The following PPEF1 variants were observed in gnomAD, a reference collection of about 807,000 sequenced individuals.
PPEF1 encodes the protein serine/threonine-protein phosphatase with EF-hands 1.
Under a neutral mutation model 53.3 loss-of-function variants are expected in PPEF1, and 12 were observed. The ratio of observed to expected loss-of-function variants is 0.23; its 90% CI spans 0.14 to 0.36. The LOEUF (loss-of-function observed/expected upper bound fraction) is 0.36. PPEF1 is among the 10% of genes least tolerant of loss of function. The pLI is 1.00. For missense variants in PPEF1, 334 were observed against 490.4 expected (o/e 0.68, Z 3.01); for synonymous variants, 165 against 176.7 (o/e 0.93, Z 0.52).
chrX:18,681,612 A>G (rs5909197), upstream of PPEF1, among the ~76,000 whole-genome samples: 1,967 of 111,420 alleles, frequency 0.018, 25 homozygotes, highest in Non-Finnish European at 0.028. Context: ...CCATCTTACT[A>G]TTGCGTTATA....
intron 4 of PPEF1, among the ~76,000 whole-genome samples, chrX:18,753,298 A>G (rs1447199174): frequency 1.8e-5 from 2 of 111,676 alleles, no homozygotes; most frequent in African/African-American, 6.5e-5. Context: ...TGTTCATAGT[A>G]TTCTCTCATA....
At chrX:18,822,399 G>C (rs984985499) in intron 13 of PPEF1, among the ~76,000 whole-genome samples, 1 of 109,883 alleles carries the variant, frequency 9.1e-6, no homozygotes, top group Non-Finnish European at 1.9e-5. Flanking sequence ...GGAATAAATT[G>C]ATAGCTGGGG....
At chrX:18,822,083 C>T (rs1022681155) in intron 13 of PPEF1, among the ~76,000 whole-genome samples, 3 of 111,560 alleles carry the variant, frequency 2.7e-5, no homozygotes, top group Non-Finnish European at 5.7e-5. Flanking sequence ...TGCACCACCG[C>T]GTCTCCCACA....
At chrX:18,675,475 G>A (rs1928639393), upstream of PPEF1, among the ~76,000 whole-genome samples, 1 of 113,294 alleles carries the variant, frequency 8.8e-6, no homozygotes, top group South Asian at 3.5e-4. Flanking sequence ...CGGGCCCTTT[G>A]CCCGAGGGTG....
intron 1 of PPEF1, among the ~76,000 whole-genome samples, chrX:18,683,536 C>T (rs1203679644): frequency 3.6e-5 from 4 of 111,720 alleles, no homozygotes; most frequent in South Asian, 7.5e-4. Context: ...GTGAGGAAAT[C>T]GAGGCACAGA....
intron 12 of PPEF1, among the ~76,000 whole-genome samples, chrX:18,817,068 A>ATGTGTGTGTGTG (rs72334387): frequency 9.0e-5 from 9 of 100,098 alleles, no homozygotes; most frequent in South Asian, 4.9e-4. Flanking sequence ...TCATTTTGCC[A>ATGTGTGTGTGTG]TGTGTGTGTG....
At chrX:18,780,616 A>G (rs2046063242) in intron 7 of PPEF1, among the ~76,000 whole-genome samples, 1 of 111,880 alleles carries the variant, frequency 8.9e-6, no homozygotes, top group Admixed American at 9.5e-5. Flanking sequence ...CTCGTCAATT[A>G]GGAAGTAGTT....
chrX:18,763,180 T>G (rs913238407), intron 6 of PPEF1, among the ~76,000 whole-genome samples: 5 of 111,602 alleles, frequency 4.5e-5, no homozygotes, highest in African/African-American at 1.6e-4. Flanking sequence ...ATTTACTTAA[T>G]CTAAATCGGT....
chrX:18,696,316 CTA>C (rs1929717028), intron 4 of PPEF1, among the ~76,000 whole-genome samples: 1 of 87,479 alleles, frequency 1.1e-5, no homozygotes, highest in Non-Finnish European at 2.4e-5. Flanking sequence ...CCACACCCAG[CTA>C]ATTTTTTTTT....
intron 1 of PPEF1, among the ~76,000 whole-genome samples, chrX:18,720,019 C>T (rs1409223967): frequency 8.9e-6 from 1 of 111,764 alleles, no homozygotes; most frequent in East Asian, 2.8e-4. Context: ...CACCACATGC[C>T]TTCTGATGTC....
At chrX:18,761,431 C>T (rs2045664060) in intron 5 of PPEF1, 99 bp from the exon 6 acceptor site, 3 of 735,639 alleles carry the variant, frequency 4.1e-6, no homozygotes, top group East Asian at 3.2e-5. Context: ...AAACCCAATG[C>T]CCTGAGAACA....
intron 11 of PPEF1, among the ~76,000 whole-genome samples, chrX:18,805,811 C>A: frequency 9.6e-6 from 1 of 103,735 alleles, no homozygotes; most frequent in African/African-American, 3.6e-5. Flanking sequence ...CCATTGCATT[C>A]CATCATGGTG....
chrX:18,820,182 G>A (rs1318958383), intron 13 of PPEF1, among the ~76,000 whole-genome samples: 1 of 111,317 alleles, frequency 9.0e-6, no homozygotes, highest in African/African-American at 3.3e-5. Flanking sequence ...AAATAAAAAA[G>A]GACATTTCAT....
chrX:18,822,383 T>G (rs774681860), intron 13 of PPEF1, among the ~76,000 whole-genome samples: 1 of 109,075 alleles, frequency 9.2e-6, no homozygotes, highest in South Asian at 3.9e-4. Flanking sequence ...GTTTTGGAGC[T>G]AAGTAGGAAT....
intron 3 of PPEF1, among the ~76,000 whole-genome samples, chrX:18,743,155 A>G (rs980990933): frequency 8.9e-6 from 1 of 111,959 alleles, no homozygotes; most frequent in African/African-American, 3.2e-5. Flanking sequence ...TTCCTTGGGG[A>G]GCCATTATCA....
chrX:18,788,064 C>G, intron 9 of PPEF1, among the ~76,000 whole-genome samples: 1 of 111,798 alleles, frequency 8.9e-6, no homozygotes, highest in Non-Finnish European at 1.9e-5. Context: ...CGCCTGTAAT[C>G]CGAGCACTTT....
chrX:18,718,222 A>G (rs1349980243), intron 1 of PPEF1, among the ~76,000 whole-genome samples: 1 of 111,865 alleles, frequency 8.9e-6, no homozygotes, highest in Non-Finnish European at 1.9e-5. Flanking sequence ...AATTTCAAGT[A>G]TTTTGAGACT....
At chrX:18,758,114 C>A (rs888606312) in intron 5 of PPEF1, among the ~76,000 whole-genome samples, 1 of 111,553 alleles carries the variant, frequency 9.0e-6, no homozygotes, top group Admixed American at 9.5e-5. Flanking sequence ...AAGCCCGTGG[C>A]GGGGTGAAGA....
intron 1 of PPEF1, among the ~76,000 whole-genome samples, chrX:18,719,062 T>C (rs952965833): frequency 8.9e-6 from 1 of 112,242 alleles, no homozygotes. Context: ...ACATTTCCTA[T>C]GAGAGACTAT....
Sources: gnomAD v4.1 joint callset for allele counts (sites outside exome capture counted in the v4.1 genomes callset) on GRCh38, gnomAD v4.1.1 for gene constraint, MANE v1.5 for transcripts, NCBI Gene and HGNC (gene_info 2026-07-23, HGNC 2026-07-21) for gene names.